Variants in COMMD6 observed in about 807,000 individuals in gnomAD.
COMMD6 encodes COMM domain containing 6, also known as COMM domain-containing protein 6.
In COMMD6, 11 loss-of-function variants were observed where a neutral mutation model predicts 13.4. The observed-to-expected ratio is 0.82, with a 90% confidence interval of 0.52 to 1.36. The LOEUF is 1.36. COMMD6 is among the 40% of genes most tolerant of loss of function. The pLI, the probability that COMMD6 is intolerant of heterozygous loss-of-function variation, is 0.00. For missense variants in COMMD6, 124 were observed against 102.4 expected (o/e 1.21, Z -0.91); for synonymous variants, 43 against 36.5 (o/e 1.18, Z -0.64).
intron 3 of COMMD6, chr13:75,527,808 C>T (rs2138409355): frequency 6.7e-7 from 1 of 1,496,416 alleles, no homozygotes; most frequent in Non-Finnish European, 9.0e-7. Context: ...AAAAGTCAAA[C>T]TCACAGAAGC....
At chr13:75,535,134 GA>G (rs2030617928) in intron 2 of COMMD6, among the ~76,000 whole-genome samples, 1 of 136,058 alleles carries the variant, frequency 7.3e-6, no homozygotes, top group Non-Finnish European at 1.6e-5. Flanking sequence ...ATAAAATGAA[GA>G]AAAAGCCACA....
At chr13:75,543,322 C>T (rs963214059), upstream of COMMD6, among the ~76,000 whole-genome samples, 4 of 151,124 alleles carry the variant, frequency 2.6e-5, no homozygotes, top group African/African-American at 9.7e-5. Context: ...ATCCCCTTAA[C>T]CTAATATAAG....
intron 3 of COMMD6, among the ~76,000 whole-genome samples, chr13:75,529,321 C>A (rs1421274333): frequency 6.6e-6 from 1 of 152,080 alleles, no homozygotes; most frequent in East Asian, 1.9e-4. Context: ...GAGATCGAGA[C>A]CATCCTGGCT....
At chr13:75,530,454 A>T in intron 2 of COMMD6, 188 bp from the exon 3 acceptor site, 1 of 396,484 alleles carries the variant, frequency 2.5e-6, no homozygotes, top group Non-Finnish European at 4.4e-6. Context: ...GTTATAAGGG[A>T]TATAAACAGT....
chr13:75,528,053 CA>C (rs768140842), intron 3 of COMMD6, among the ~76,000 whole-genome samples: 24,878 of 138,498 alleles, frequency 0.18, 2,217 homozygotes, highest in Middle Eastern at 0.32. Flanking sequence ...ACACTCTCTC[CA>C]AAAAAAAAAA....
chr13:75,537,786 G>C lies in COMMD6; in HGVS notation c.20C>G (p.Pro7Arg), dbSNP rs372073245. The C allele has an allele frequency of 1.2e-6, 2 of 1,611,040 alleles. No individual in the cohort carries two copies. Among genetic ancestry groups the C allele is most frequent in the Admixed American group, 1.7e-5 (1 of 59,860 alleles). The change falls in exon 1 of 4, where the codon CCG (proline) becomes CGG (arginine). Residue 7 changes from proline to arginine, a missense_variant. By Grantham distance (103) the Pro-to-Arg change is moderately radical (BLOSUM62 -2). Transcript: ENST00000682242. ...CACATCGGACTTAGCATCCAGCGGC[G>C]GCTCGCTGGACGCCTCCATGGGCAG... The part of the protein sequence containing the change: MEASSE[P>R]PLDAKSDVTN...
At chr13:75,537,233 C>A in intron 2 of COMMD6, 1 of 1,315,900 alleles carries the variant, frequency 7.6e-7, no homozygotes, top group Non-Finnish European at 1.0e-6. Flanking sequence ...CTTTAAAAGT[C>A]AAATTCATAT....
chr13:75,530,561 A>AGTAT (rs1488859733), intron 2 of COMMD6: 7 of 216,174 alleles, frequency 3.2e-5, no homozygotes, highest in Non-Finnish European at 6.4e-5. Context: ...AAGATGTGGC[A>AGTAT]GTATTGGTTT....
chr13:75,546,822 G>T (rs1195630313), intron 1 of COMMD6, among the ~76,000 whole-genome samples: 1 of 152,188 alleles, frequency 6.6e-6, no homozygotes, highest in Non-Finnish European at 1.5e-5. Flanking sequence ...CACAAGAAGG[G>T]GATGTACAAT....
intron 2 of COMMD6, among the ~76,000 whole-genome samples, chr13:75,531,553 T>C (rs1391086368): frequency 6.6e-6 from 1 of 152,122 alleles, no homozygotes; most frequent in African/African-American, 2.4e-5. Flanking sequence ...AAAGAAAAGT[T>C]CTCCATATAA....
At chr13:75,527,930 C>T (rs372364470) in intron 3 of COMMD6, 11 of 1,351,718 alleles carry the variant, frequency 8.1e-6, no homozygotes, top group African/African-American at 6.0e-5. Flanking sequence ...ATCTAATGTA[C>T]AATATGGTGA....
At position 75,530,161 on chromosome 13, in the gene COMMD6, C is replaced by T; in HGVS notation, c.160G>A (p.Gly54Ser). The change falls in exon 3 of 4, where the codon GGC becomes AGC. Residue 54 changes from glycine to serine, a missense_variant. By Grantham distance (56) the Gly-to-Ser change is moderately conservative (BLOSUM62 0). Transcript: ENST00000682242. The part of the protein sequence containing the change: ...AVMLKVADHS[G>S]QVKTKCFEMT... The stretch of plus-strand genomic sequence containing the variant: ...TCAAAGCACTTGGTCTTTACTTGGC[C>T]TGAATGATCTGCCACTTTTAGCATC... 1 of 1,613,644 alleles carries T rather than the reference C, an allele frequency of 6.2e-7. No homozygotes were observed. The highest frequency in any genetic ancestry group is 8.5e-7 in the Non-Finnish European group (1 of 1,179,688).
Position 75,525,328 on chromosome 13 carries a change from G to A in COMMD6, c.*1261C>T, listed in dbSNP as rs1227262909. ...CCTAGAAATGCTACCCTGCAAACAG[G>A]GAAGGGGAAAGAGGAAGGTGTTAAT... is the stretch of plus-strand genomic sequence containing the variant. On this transcript the variant is annotated 3_prime_UTR_variant, in exon 4 of 4. Transcript: ENST00000682242. 6.6e-6 allele frequency: 1 copy of A among 152,190 alleles called. No homozygotes were observed. The highest frequency in any genetic ancestry group is 1.5e-5 in the Non-Finnish European group (1 of 68,050). The allele number at this position is 152,190 out of a possible 1,614,324, so 9.4% of individuals were successfully genotyped here. A position where few individuals can be genotyped will look rare whatever the true frequency, so the allele number is the denominator to read the frequency against.
At chr13:75,528,546 G>A (rs1451374407) in intron 3 of COMMD6, among the ~76,000 whole-genome samples, 9 of 152,138 alleles carry the variant, frequency 5.9e-5, no homozygotes, top group Non-Finnish European at 8.8e-5. Context: ...GGTGGCTCAC[G>A]CCTGTAATTC....
At chr13:75,534,321 T>A (rs1438584549) in intron 2 of COMMD6, among the ~76,000 whole-genome samples, 1 of 152,074 alleles carries the variant, frequency 6.6e-6, no homozygotes, top group East Asian at 1.9e-4. Context: ...ATTAAAACAG[T>A]GAAATTGTCA....
intron 2 of COMMD6, among the ~76,000 whole-genome samples, chr13:75,533,497 A>T (rs543359399): frequency 6.7e-6 from 1 of 149,868 alleles, no homozygotes; most frequent in Admixed American, 6.7e-5. Context: ...TAAGCCCAGG[A>T]GGTCAAGGAT....
chr13:75,534,304 A>C (rs1203444538), intron 2 of COMMD6, among the ~76,000 whole-genome samples: 1 of 152,158 alleles, frequency 6.6e-6, no homozygotes, highest in Non-Finnish European at 1.5e-5. Flanking sequence ...GCTAAGTTCC[A>C]CTCACTATTA....
chr13:75,528,045 ACTCT>A (rs1169918358), intron 3 of COMMD6, among the ~76,000 whole-genome samples: 1 of 143,906 alleles, frequency 6.9e-6, no homozygotes, highest in African/African-American at 2.6e-5. Context: ...ACATGCACAC[ACTCT>A]CTCCAAAAAA....
In COMMD6 at chr13:75,526,642, GGAGA is replaced by G. The variant is rs773266483; in HGVS notation, c.208-7_208-4del. ...TCCTTGAACTGTCTGTAGAAATTCTGGAGAGAAAGGGGGAAAATAATATTAATTT... is the reference window on the plus strand; with the variant it reads ...TCCTTGAACTGTCTGTAGAAATTCTGGAAAGGGGGAAAATAATATTAATTT... On this transcript the variant is annotated splice_region_variant and splice_polypyrimidine_tract_variant and intron_variant, in intron 3 of 3. Coordinates refer to ENST00000682242, the MANE Select transcript of COMMD6 (RefSeq NM_203495.4). The G allele has an allele frequency of 3.8e-6, 6 of 1,592,682 alleles. No individual in the cohort carries two copies. In the African/African-American group the frequency reaches 8.1e-5, roughly 21 times the overall value.
Sources: gnomAD v4.1 joint callset for allele counts (sites outside exome capture counted in the v4.1 genomes callset) on GRCh38, gnomAD v4.1.1 for gene constraint, MANE v1.5 for transcripts, NCBI Gene and HGNC (gene_info 2026-07-23, HGNC 2026-07-21) for gene names.